ZNF142: variants seen among roughly 807,000 people sequenced by gnomAD.
ZNF142 encodes the protein zinc finger protein 142.
Under a neutral mutation model 132.1 loss-of-function variants are expected in ZNF142, and 96 were observed. The ratio of observed to expected loss-of-function variants is 0.73; its 90% CI spans 0.62 to 0.86. The LOEUF is 0.86. Among genes scored for constraint, ZNF142 ranks in the 40% least tolerant of loss-of-function variants. The pLI is 0.00. For synonymous variants in ZNF142, 842 were observed against 890.1 expected (o/e 0.95, Z 0.96); for missense variants, 2,163 against 2,336.2 (o/e 0.93, Z 1.53).
In ZNF142 at chr2:218,636,955, A is replaced by C. The variant is rs1003859920; in HGVS notation, c.*1384T>G. The C allele has an allele frequency of 2.0e-5, 9 of 457,338 alleles. No individual in the cohort carries two copies. Among genetic ancestry groups the C allele is most frequent in the African/African-American group, 1.8e-4 (9 of 50,092 alleles). The allele number at this position is 457,338 out of a possible 1,614,324, so 28.3% of individuals were successfully genotyped here. On this transcript the variant is annotated 3_prime_UTR_variant, in exon 11 of 11. Coordinates refer to ENST00000411696, the MANE Select transcript of ZNF142 (RefSeq NM_001379659.1). Reference sequence around the variant, plus strand: ...AAATTCAGAGGGGCTTGGAATAGAGAAACCTAAAGAAGCATCATCCCCTCC... The same window carrying C: ...AAATTCAGAGGGGCTTGGAATAGAGCAACCTAAAGAAGCATCATCCCCTCC...
At position 218,644,417 on chromosome 2, in the gene ZNF142, A is replaced by C. The variant is rs1427799233; in HGVS notation, c.2699T>G (p.Leu900Arg). ...AGTCACAGACTCCAGCTCTACTCCC[A>C]GGGCCTCTAGGTGTAGTGTGCAGCT... ...EGSCTLHLEA[L>R]GVELESVTEP... Residue 900 changes from leucine to arginine, a missense_variant, in exon 9 of 11, where the codon CTG becomes CGG. Leu to Arg is a moderately radical substitution (Grantham distance 102). Transcript: ENST00000411696. This position sits in a 1 kb window ranked among gnomAD's most constrained non-coding sequence, Gnocchi z 4.6. 6.2e-7 allele frequency: 1 copy of C among 1,613,968 alleles called. No individual in the cohort carries two copies. The highest frequency in any genetic ancestry group is 8.5e-7 in the Non-Finnish European group (1 of 1,180,008).
At position 218,636,826 on chromosome 2, in the gene ZNF142, C is replaced by A; in HGVS notation, c.*1513G>T. The A allele has an allele frequency of 1.7e-6, 1 of 575,902 alleles. No individual in the cohort carries two copies. 35.7% of individuals were successfully genotyped at this position (575,902 alleles called of 1,614,324 possible). The stretch of plus-strand genomic sequence containing the variant: ...TTCCTGCCCTTTTCCTTTGTGTACT[C>A]TATACTGGAGTTCCCTTCTTCCTCT... On this transcript the variant is annotated 3_prime_UTR_variant, in exon 11 of 11. Coordinates refer to ENST00000411696, the MANE Select transcript of ZNF142 (RefSeq NM_001379659.1).
intron 7 of ZNF142, among the ~76,000 whole-genome samples, chr2:218,647,605 A>C (rs1697858190): frequency 6.6e-6 from 1 of 152,028 alleles, no homozygotes; most frequent in Non-Finnish European, 1.5e-5. Flanking sequence ...CTTGCCTCCA[A>C]AAGGTTGGTA....
In ZNF142 at chr2:218,656,406, T is replaced by G. The variant is rs1225450745; in HGVS notation, c.24A>C (p.Ser8=). Residue 8 remains serine (S), a synonymous_variant, in exon 4 of 11, where the codon TCA becomes TCC. Transcript: ENST00000411696. ...TCTCCCCGGTGCTACTGGCTGGCTG[T>G]GAGTCCAAAAGGGGGTCTGTCATCA... The part of the protein sequence containing the change: MTDPLLD[S]QPASSTGEMD... The G allele has an allele frequency of 6.9e-7, 1 of 1,444,344 alleles. No individual in the cohort carries two copies. The highest frequency in any genetic ancestry group is 9.2e-7 in the Non-Finnish European group (1 of 1,088,440). 89.5% of individuals were successfully genotyped at this position (1,444,344 alleles called of 1,614,324 possible).
chr2:218,650,125 G>A (rs952205739), intron 6 of ZNF142, among the ~76,000 whole-genome samples: 4 of 152,152 alleles, frequency 2.6e-5, no homozygotes, highest in African/African-American at 9.7e-5. Flanking sequence ...TTCTGCCTGA[G>A]GAAAACCAGC....
At position 218,648,632 on chromosome 2, in the gene ZNF142, T is replaced by TA. The variant is rs757335265; in HGVS notation, c.1873+2dup. 9.9e-6 allele frequency: 16 copies of TA among 1,610,910 alleles called. No homozygotes were observed. Among genetic ancestry groups the TA allele is most frequent in the Non-Finnish European group, 8.5e-7 (1 of 1,177,294 alleles). ...ATTATTTTAAGGATGGAAACCATCC[T>TA]ACCCGTATGTAGAAGCATGTGTCGG... On this transcript the variant is annotated splice_region_variant and intron_variant, in intron 7 of 10. Coordinates refer to ENST00000411696, the MANE Select transcript of ZNF142 (RefSeq NM_001379659.1).
At chr2:218,654,806 T>G (rs950537648) in intron 4 of ZNF142, among the ~76,000 whole-genome samples, 1 of 151,102 alleles carries the variant, frequency 6.6e-6, no homozygotes, top group Non-Finnish European at 1.5e-5. Flanking sequence ...AGGTTTCTGC[T>G]GGGTGCGATG....
In ZNF142 at chr2:218,633,873, GGAGT is replaced by G; in HGVS notation, c.*4462_*4465del. 43 of 1,158,234 alleles carry G rather than the reference GGAGT, an allele frequency of 3.7e-5. No individual in the cohort carries two copies. The highest frequency in any genetic ancestry group is 4.6e-5 in the African/African-American group (3 of 65,332). 71.7% of individuals were successfully genotyped at this position (1,158,234 alleles called of 1,614,324 possible). ...GACAAGGTAGCTAAGGAGAGATGAA[GGAGT>G]TCAGAAACTCCTTAGAGCAGACAAG... On this transcript the variant is annotated 3_prime_UTR_variant, in exon 11 of 11. Coordinates refer to ENST00000411696, the MANE Select transcript of ZNF142 (RefSeq NM_001379659.1).
Position 218,644,677 on chromosome 2 carries a change from C to T in ZNF142, c.2439G>A (p.Glu813=). Residue 813 remains glutamate (E), a synonymous_variant, in exon 9 of 11, where the codon GAG becomes GAA. Coordinates refer to ENST00000411696, the MANE Select transcript of ZNF142 (RefSeq NM_001379659.1). The surrounding 1 kb of genome is among the most constrained non-coding windows in gnomAD (Gnocchi z 4.6). ...TTGGGCCCTGCATGGCCCCTTCTGG[C>T]TCCTGGCTTGCATAGCGGAGCTGCC... The part of the protein sequence containing the change: ...QAWQLRYASQ[E]PEGAMQGPTP... 1 of 1,614,228 alleles carries T rather than the reference C, an allele frequency of 6.2e-7. No individual in the cohort carries two copies. The highest frequency in any genetic ancestry group is 8.5e-7 in the Non-Finnish European group (1 of 1,180,034).
chr2:218,642,447 C>T lies in ZNF142; in HGVS notation c.4669G>A (p.Gly1557Arg). Residue 1557 changes from glycine to arginine, a missense_variant, in exon 9 of 11, where the codon GGG becomes AGG. Physicochemically the swap from Gly to Arg is moderately radical, Grantham distance 125 (BLOSUM62 -2). Coordinates refer to ENST00000411696, the MANE Select transcript of ZNF142 (RefSeq NM_001379659.1). The surrounding 1 kb of genome is among the most constrained non-coding windows in gnomAD (Gnocchi z 4.6). ...TRKQHPRLEC[G>R]ACQEAFPSRL... ...CTAGGGAAGGCCTCCTGGCAGGCCC[C>T]ACACTCAAGCCGTGGGTGCTGTTTA... The T allele has an allele frequency of 6.2e-7, 1 of 1,612,544 alleles. No homozygotes were observed. Among genetic ancestry groups the T allele is most frequent in the Non-Finnish European group, 8.5e-7 (1 of 1,179,592 alleles).
rs775423356 is a variant in ZNF142 at position 218,634,089 on chromosome 2, C to T, written c.*4250G>A. 1.3e-6 allele frequency: 2 copies of T among 1,596,510 alleles called. No homozygotes were observed. Among genetic ancestry groups the T allele is most frequent in the East Asian group, 2.3e-5 (1 of 44,220 alleles). On this transcript the variant is annotated 3_prime_UTR_variant, in exon 11 of 11. Coordinates refer to ENST00000411696, the MANE Select transcript of ZNF142 (RefSeq NM_001379659.1). The surrounding 1 kb of genome is among the most constrained non-coding windows in gnomAD (Gnocchi z 4.0). ...TTCCACCCCACTTCCATCTCCCTCT[C>T]TATACCCTTTTACAGGCAATGAGTT...
chr2:218,640,894 C>A (rs1697125528), intron 9 of ZNF142, 125 bp from the exon 10 acceptor site: 1 of 659,020 alleles, frequency 1.5e-6, no homozygotes, highest in East Asian at 3.0e-5. Flanking sequence ...CATTATGGAA[C>A]TTTGTTTTTC....
At chr2:218,657,399 C>G (rs553126769) in intron 3 of ZNF142, among the ~76,000 whole-genome samples, 6 of 152,248 alleles carry the variant, frequency 3.9e-5, no homozygotes, top group African/African-American at 1.4e-4. Context: ...CTTGAAGAAG[C>G]TGCACAAATG....
In ZNF142 at chr2:218,635,749, G is replaced by C. The variant is rs1696694235; in HGVS notation, c.*2590C>G. 1 of 1,589,972 alleles carries C rather than the reference G, an allele frequency of 6.3e-7. No homozygotes were observed. Among genetic ancestry groups the C allele is most frequent in the African/African-American group, 1.3e-5 (1 of 74,416 alleles). On this transcript the variant is annotated 3_prime_UTR_variant, in exon 11 of 11. Transcript: ENST00000411696. ...TGGGGTTGGGAGTAGGGTCGGGTGG[G>C]GCTGGGCTGAGCAGGAACTTGTGAG...
chr2:218,638,712 G>C lies in ZNF142; in HGVS notation c.5291C>G (p.Ala1764Gly), dbSNP rs770886397. ...CTTGCCACACTGCTCACACATGAAA[G>C]CCCGTGCTTCTCGATGCCGGGTCTC... ...HQETRHREAR[A>G]FMCEQCGKAF... Residue 1764 changes from alanine (A) to glycine (G), a missense_variant, in exon 11 of 11, where the codon GCT becomes GGT. Ala to Gly is a moderately conservative substitution (Grantham distance 60). This residue lies in a region of ZNF142 where 325 missense variants were observed against 367.8 expected (regional missense o/e 0.88). Coordinates refer to ENST00000411696, the MANE Select transcript of ZNF142 (RefSeq NM_001379659.1). The C allele has an allele frequency of 1.1e-5, 18 of 1,613,996 alleles. No homozygotes were observed. The highest frequency in any genetic ancestry group is 1.6e-4 in the Middle Eastern group (1 of 6,084).
intron 6 of ZNF142, 78 bp downstream of exon 6, chr2:218,650,281 C>T (rs1937854048): frequency 6.3e-7 from 1 of 1,582,936 alleles, no homozygotes; most frequent in Non-Finnish European, 8.6e-7. Context: ...GAAAACAAAC[C>T]CCAGAGCCTC....
intron 4 of ZNF142, among the ~76,000 whole-genome samples, chr2:218,652,820 C>T (rs531952511): frequency 1.4e-4 from 22 of 152,082 alleles, no homozygotes; most frequent in Non-Finnish European, 2.8e-4. Flanking sequence ...GCTTAATAAA[C>T]GCTCTCATTT....
chr2:218,656,525 G>T, intron 3 of ZNF142, 62 bp from the exon 4 acceptor site: 1 of 1,308,196 alleles, frequency 7.6e-7, no homozygotes, highest in Non-Finnish European at 1.0e-6. Context: ...TTCCTGGCTG[G>T]CGTGGGTACA....
At chr2:218,655,815 A>G (rs1010532483) in intron 4 of ZNF142, among the ~76,000 whole-genome samples, 1 of 152,114 alleles carries the variant, frequency 6.6e-6, no homozygotes, top group Non-Finnish European at 1.5e-5. Flanking sequence ...CCTGGGTAGG[A>G]GGGTCAATAT....
Sources: gnomAD v4.1 joint callset for allele counts (sites outside exome capture counted in the v4.1 genomes callset) on GRCh38, gnomAD v4.1.1 for gene constraint, gnomAD v4.1.1 regional missense constraint, Gnocchi (gnomAD v3.1) non-coding constraint, MANE v1.5 for transcripts, NCBI Gene and HGNC (gene_info 2026-07-23, HGNC 2026-07-21) for gene names.